Variants in CPAMD8 observed in about 807,000 individuals in gnomAD.
CPAMD8 encodes C3 and PZP-like alpha-2-macroglobulin domain-containing protein 8.
In CPAMD8, 146 loss-of-function variants were observed where a neutral mutation model predicts 224.7. The observed-to-expected ratio is 0.65, with a 90% confidence interval of 0.57 to 0.75. CPAMD8 has a LOEUF of 0.75. CPAMD8 is among the 30% of genes least tolerant of loss of function. The probability of loss-of-function intolerance (pLI) is 0.00; values close to 1 mark genes in which losing one functional copy is unlikely to be tolerated. For synonymous variants in CPAMD8, 966 were observed against 1,044.6 expected, an observed-to-expected ratio of 0.92 and a Z score of 1.45; for missense variants, 2,301 against 2,537.5, an observed-to-expected ratio of 0.91 and a Z score of 2.00.
In CPAMD8 at chr19:16,991,985, G is replaced by A. The variant is rs530382714; in HGVS notation, c.1266+1431C>T. Reference sequence around the variant, plus strand: ...GTCAAGTGGCAAGGCAGTGGCTTCAGTGGTTAAAACCTTTAGGACATGGTG... The same window carrying A: ...GTCAAGTGGCAAGGCAGTGGCTTCAATGGTTAAAACCTTTAGGACATGGTG... On this transcript the variant is annotated intron_variant, in intron 12 of 41. Transcript: ENST00000443236. Among the ~76,000 whole-genome samples, 11 of 152,282 alleles carry A rather than the reference G, an allele frequency of 7.2e-5. No individual in the cohort carries two copies. The South Asian group carries it at 2.3e-3, about 32-fold the overall frequency.
At chr19:16,932,285 G>A (rs1157559167) in intron 23 of CPAMD8, among the ~76,000 whole-genome samples, 1 of 152,062 alleles carries the variant, frequency 6.6e-6, no homozygotes, top group Non-Finnish European at 1.5e-5. Context: ...GCCAGGCGTG[G>A]TGGCATGTGC....
At chr19:16,997,375 G>A in intron 10 of CPAMD8, 37 bp from the exon 11 acceptor site, 1 of 1,236,362 alleles carries the variant, frequency 8.1e-7, no homozygotes, top group Non-Finnish European at 1.2e-6. Context: ...GCTCACTCAG[G>A]GTTGGAGTGT....
intron 7 of CPAMD8, among the ~76,000 whole-genome samples, chr19:17,004,906 C>G (rs1358581215): frequency 1.3e-5 from 2 of 151,892 alleles, no homozygotes; most frequent in African/African-American, 4.8e-5. Flanking sequence ...CTGCCAATAT[C>G]GCCCCTAGGG....
intron 11 of CPAMD8, among the ~76,000 whole-genome samples, chr19:16,995,516 T>G (rs2056096104): frequency 6.6e-6 from 1 of 152,208 alleles, no homozygotes; most frequent in Non-Finnish European, 1.5e-5. Context: ...TTATCGTGCC[T>G]CAGCCTCCTG....
chr19:17,023,971 A>T (rs1331912569), intron 1 of CPAMD8, among the ~76,000 whole-genome samples: 1 of 152,240 alleles, frequency 6.6e-6, no homozygotes, highest in African/African-American at 2.4e-5. Context: ...CTCAAAGTTA[A>T]TCTTAGTAAC....
At chr19:16,940,155 G>A (rs1412037782) in intron 22 of CPAMD8, among the ~76,000 whole-genome samples, 1 of 151,958 alleles carries the variant, frequency 6.6e-6, no homozygotes, top group Non-Finnish European at 1.5e-5. Context: ...CAGGTGATCT[G>A]CCTGCCTCAG....
At chr19:16,971,111 A>G in intron 17 of CPAMD8, 78 bp from the exon 18 acceptor site, 1 of 1,309,016 alleles carries the variant, frequency 7.6e-7, no homozygotes. Context: ...GGAATGAATC[A>G]CCCTGTGGCC....
intron 17 of CPAMD8, 139 bp downstream of exon 17, chr19:16,974,958 G>A (rs191129310): frequency 2.2e-5 from 25 of 1,160,500 alleles, no homozygotes; most frequent in Admixed American, 2.0e-4. Context: ...CTGGGCCACA[G>A]AGCGAGACCC....
At chr19:17,018,468 G>T (rs1275988911) in intron 3 of CPAMD8, among the ~76,000 whole-genome samples, 1 of 152,106 alleles carries the variant, frequency 6.6e-6, no homozygotes. Flanking sequence ...TGAGAGGCTT[G>T]GGTCCTGCTG....
chr19:17,008,740 C>A (rs745494681), intron 6 of CPAMD8, 181 bp from the exon 7 acceptor site: 45 of 734,324 alleles, frequency 6.1e-5, no homozygotes, highest in Non-Finnish European at 7.4e-5. Flanking sequence ...ATTTGAAAAG[C>A]AGAAGGGGAT....
chr19:16,934,994 C>T (rs1316196238), intron 23 of CPAMD8, among the ~76,000 whole-genome samples: 1 of 152,194 alleles, frequency 6.6e-6, no homozygotes, highest in East Asian at 1.9e-4. Flanking sequence ...CTCCCCCAGC[C>T]TCTTGTAAAC....
chr19:16,904,396 C>T (rs1477975557), intron 31 of CPAMD8, 34 bp from the exon 32 acceptor site: 1 of 1,613,914 alleles, frequency 6.2e-7, no homozygotes, highest in Admixed American at 1.7e-5. Context: ...GGACTTTTGA[C>T]ACAGGGACAT....
chr19:16,927,671 G>A (rs1422081088), intron 25 of CPAMD8, among the ~76,000 whole-genome samples: 1 of 152,126 alleles, frequency 6.6e-6, no homozygotes, highest in East Asian at 1.9e-4. Context: ...CTTGTCCTTG[G>A]CCCACTGCCC....
At chr19:17,023,796 G>A (rs1238313645) in intron 1 of CPAMD8, among the ~76,000 whole-genome samples, 1 of 152,040 alleles carries the variant, frequency 6.6e-6, no homozygotes, top group African/African-American at 2.4e-5. Flanking sequence ...TGGCCAGGCT[G>A]GTCTTGACCT....
intron 17 of CPAMD8, among the ~76,000 whole-genome samples, chr19:16,973,793 A>T (rs1237153679): frequency 2.0e-5 from 3 of 151,262 alleles, no homozygotes; most frequent in African/African-American, 4.9e-5. Context: ...ACATCATGAA[A>T]ACGTCCAGAG....
intron 41 of CPAMD8, chr19:16,895,124 A>C (rs1246214906): frequency 6.5e-6 from 1 of 152,718 alleles, no homozygotes; most frequent in Non-Finnish European, 1.5e-5. Context: ...AAAATAAAAG[A>C]ATAGGCCTGG....
At chr19:16,976,613 A>G (rs1386805175) in intron 15 of CPAMD8, among the ~76,000 whole-genome samples, 1 of 151,964 alleles carries the variant, frequency 6.6e-6, no homozygotes, top group African/African-American at 2.4e-5. Context: ...TGGCCTCGCT[A>G]CCTGGGTGAA....
At position 16,925,757 on chromosome 19, in the gene CPAMD8, TA is replaced by T. The variant is rs921391389; in HGVS notation, c.3371-386del. 8.7e-5 allele frequency among the ~76,000 whole-genome samples: 11 copies of T among 126,850 alleles called. No individual in the cohort carries two copies. The East Asian group carries it at 1.1e-3, about 13-fold the overall frequency. 83.2% of individuals were successfully genotyped at this position (126,850 alleles called of 152,430 possible). A position where few individuals can be genotyped will look rare whatever the true frequency, so the allele number is the denominator to read the frequency against. ...TCATTCTATTCTAGTCTTTCTAAAA[TA>T]TTTTTTTTTTTTTGAGATGGAGTCT... is the stretch of plus-strand genomic sequence containing the variant. On this transcript the variant is annotated intron_variant, in intron 25 of 41. Transcript: ENST00000443236.
intron 5 of CPAMD8, 25 bp from the exon 6 acceptor site, chr19:17,009,345 G>A (rs2056585286): frequency 1.9e-6 from 3 of 1,614,048 alleles, no homozygotes; most frequent in Non-Finnish European, 2.5e-6. Context: ...CAGATGCAGT[G>A]AGCAAATCTT....
Sources: gnomAD v4.1 joint callset for allele counts (sites outside exome capture counted in the v4.1 genomes callset) on GRCh38, gnomAD v4.1.1 for gene constraint, MANE v1.5 for transcripts, NCBI Gene and HGNC (gene_info 2026-07-23, HGNC 2026-07-21) for gene names.